Variants in EEF1AKMT1 observed in about 807,000 individuals in gnomAD.
EEF1AKMT1 encodes the protein N-6 adenine-specific DNA methyltransferase 2 (putative).
In EEF1AKMT1, 18 loss-of-function variants were observed where a neutral mutation model predicts 21.0. The ratio of observed to expected loss-of-function variants is 0.86; its 90% CI spans 0.59 to 1.27. The LOEUF (loss-of-function observed/expected upper bound fraction) is 1.27. Among genes scored for constraint, EEF1AKMT1 ranks in the 50% most tolerant of loss-of-function variants. The pLI, the probability that EEF1AKMT1 is intolerant of heterozygous loss-of-function variation, is 0.00. For synonymous variants in EEF1AKMT1, 109 were observed against 94.8 expected (o/e 1.15, Z -0.87); for missense variants, 246 against 258.6 (o/e 0.95, Z 0.33).
intron 4 of EEF1AKMT1, among the ~76,000 whole-genome samples, chr13:20,730,404 C>T (rs1028471618): frequency 2.6e-5 from 4 of 152,202 alleles, no homozygotes; most frequent in Admixed American, 6.5e-5. Flanking sequence ...AAGCGCGGCC[C>T]GGAGGGACTG....
At chr13:20,736,653 T>A (rs1027799629) in intron 3 of EEF1AKMT1, among the ~76,000 whole-genome samples, 1 of 151,156 alleles carries the variant, frequency 6.6e-6, no homozygotes, top group Non-Finnish European at 1.5e-5. Context: ...AACTTACTGA[T>A]AGGATATTTA....
rs372037092 is a variant in EEF1AKMT1 at position 20,752,459 on chromosome 13, C to T, written c.144+4996G>A. Reference sequence around the variant, plus strand: ...GTGGTGTATTATGTTTGTTGATTTGCAGGTGTTGAACCTTCCTTGAATCTC... The same window carrying T: ...GTGGTGTATTATGTTTGTTGATTTGTAGGTGTTGAACCTTCCTTGAATCTC... On this transcript the variant is annotated intron_variant, in intron 2 of 4. Coordinates refer to ENST00000382758, the MANE Select transcript of EEF1AKMT1 (RefSeq NM_001318939.2). Among the ~76,000 whole-genome samples, 134 of 152,186 alleles carry T rather than the reference C, an allele frequency of 8.8e-4. 3 individuals carry two copies. The South Asian group carries it at 0.026, about 29-fold the overall frequency.
chr13:20,748,718 T>TG (rs1566533497), intron 2 of EEF1AKMT1, among the ~76,000 whole-genome samples: 8 of 97,896 alleles, frequency 8.2e-5, no homozygotes, highest in African/African-American at 2.8e-4. Context: ...TATAGTTGTT[T>TG]TTTTTTGGTT....
intron 1 of EEF1AKMT1, among the ~76,000 whole-genome samples, chr13:20,762,074 G>A (rs2059003885): frequency 2.0e-5 from 3 of 152,076 alleles, no homozygotes; most frequent in Admixed American, 2.0e-4. Context: ...ATTTCAGCCT[G>A]GGTAACAGAA....
intron 1 of EEF1AKMT1, among the ~76,000 whole-genome samples, chr13:20,760,803 G>A (rs1012486534): frequency 7.9e-5 from 12 of 152,118 alleles, no homozygotes; most frequent in Non-Finnish European, 1.0e-4. Context: ...AGTGATATTG[G>A]TATACTCTCT....
intron 4 of EEF1AKMT1, among the ~76,000 whole-genome samples, chr13:20,730,204 C>A (rs1174722280): frequency 6.6e-6 from 1 of 152,232 alleles, no homozygotes; most frequent in Non-Finnish European, 1.5e-5. Context: ...GAGGCCAGAG[C>A]GCTGCCTGCT....
chr13:20,748,433 CAA>C (rs544169414), intron 2 of EEF1AKMT1, among the ~76,000 whole-genome samples: 12 of 110,958 alleles, frequency 1.1e-4, no homozygotes, highest in Admixed American at 9.8e-5. Context: ...AGACTCCGTC[CAA>C]AAAAAAAAAA....
chr13:20,734,501 C>T (rs1417601367), intron 3 of EEF1AKMT1, among the ~76,000 whole-genome samples: 4 of 152,104 alleles, frequency 2.6e-5, no homozygotes, highest in South Asian at 2.1e-4. Context: ...ATGAGATGAC[C>T]CTGACAACGC....
At chr13:20,745,568 AGGCCAGGCACGGT>A (rs2058898682) in intron 2 of EEF1AKMT1, among the ~76,000 whole-genome samples, 1 of 152,112 alleles carries the variant, frequency 6.6e-6, no homozygotes, top group African/African-American at 2.4e-5. Context: ...ACAAGATGGC[AGGCCAGGCACGGT>A]GGCTTACGCC....
At chr13:20,739,265 G>C (rs994572366) in intron 2 of EEF1AKMT1, among the ~76,000 whole-genome samples, 3 of 152,198 alleles carry the variant, frequency 2.0e-5, no homozygotes, top group Non-Finnish European at 4.4e-5. Flanking sequence ...AGGCAACGCA[G>C]ACCCAAACAG....
intron 1 of EEF1AKMT1, among the ~76,000 whole-genome samples, chr13:20,760,116 A>AG (rs2058993387): frequency 6.7e-6 from 1 of 149,166 alleles, no homozygotes; most frequent in African/African-American, 2.5e-5. Flanking sequence ...AAAAAAAAAA[A>AG]AAAAAAAAAG....
At chr13:20,737,444 AG>A (rs994578602) in intron 3 of EEF1AKMT1, among the ~76,000 whole-genome samples, 16 of 152,250 alleles carry the variant, frequency 1.1e-4, no homozygotes, top group African/African-American at 3.9e-4. Context: ...AACTTCAAAA[AG>A]GTAAGATATT....
At position 20,772,942 on chromosome 13, in the gene EEF1AKMT1, C is replaced by T. The variant is rs1261371276; in HGVS notation, c.-20+979G>A. Among the ~76,000 whole-genome samples the T allele has an allele frequency of 5.9e-5, 9 of 152,252 alleles. No individual in the cohort carries two copies. The East Asian group carries it at 1.7e-3, about 29-fold the overall frequency. ...AGAGCAAAGAGCATTAACCTAGGAGCCATCCCAGACTCCAGTAAACCGCAG... is the reference window on the plus strand; with the variant it reads ...AGAGCAAAGAGCATTAACCTAGGAGTCATCCCAGACTCCAGTAAACCGCAG... On this transcript the variant is annotated intron_variant, in intron 1 of 4. Coordinates refer to ENST00000382758, the MANE Select transcript of EEF1AKMT1 (RefSeq NM_001318939.2).
chr13:20,756,033 G>A (rs1373852892), intron 2 of EEF1AKMT1, among the ~76,000 whole-genome samples: 1 of 152,154 alleles, frequency 6.6e-6, no homozygotes, highest in East Asian at 1.9e-4. Context: ...TTTAGAATAA[G>A]TGGAACATGT....
At chr13:20,750,285 T>C (rs2058933391) in intron 2 of EEF1AKMT1, among the ~76,000 whole-genome samples, 1 of 152,172 alleles carries the variant, frequency 6.6e-6, no homozygotes, top group Admixed American at 6.5e-5. Context: ...CTATAGAACA[T>C]CAGATCTTAT....
intron 3 of EEF1AKMT1, among the ~76,000 whole-genome samples, chr13:20,735,545 A>C (rs1343708724): frequency 6.6e-6 from 1 of 152,160 alleles, no homozygotes; most frequent in Non-Finnish European, 1.5e-5. Context: ...AATTAGGAGA[A>C]TCTTCCCTGG....
intron 2 of EEF1AKMT1, among the ~76,000 whole-genome samples, chr13:20,739,189 G>A (rs1275528884): frequency 4.6e-5 from 7 of 152,150 alleles, no homozygotes; most frequent in Non-Finnish European, 5.9e-5. Context: ...CTCCCAGTGG[G>A]TTGGTAACTT....
intron 2 of EEF1AKMT1, chr13:20,748,072 C>A: frequency 5.7e-6 from 1 of 176,454 alleles, no homozygotes. Flanking sequence ...ATGTTCCTTC[C>A]AGAATCGTCT....
At chr13:20,745,848 G>GA (rs967865399) in intron 2 of EEF1AKMT1, among the ~76,000 whole-genome samples, 3 of 150,882 alleles carry the variant, frequency 2.0e-5, no homozygotes, top group Non-Finnish European at 4.4e-5. Flanking sequence ...ACTACATCTC[G>GA]AAAAAAATAA....
Sources: gnomAD v4.1 joint callset for allele counts (sites outside exome capture counted in the v4.1 genomes callset) on GRCh38, gnomAD v4.1.1 for gene constraint, MANE v1.5 for transcripts, NCBI Gene and HGNC (gene_info 2026-07-23, HGNC 2026-07-21) for gene names.